OPRM1: variants seen among roughly 807,000 people sequenced by gnomAD.
The protein encoded by OPRM1 is opioid receptor mu 1.
OPRM1 carries 27 observed loss-of-function variants against 31.8 expected under a neutral mutation model. That is an observed-to-expected ratio of 0.85 (90% CI 0.63 to 1.17). OPRM1 has a LOEUF of 1.17. Ranked by LOEUF, OPRM1 falls within the 50% of genes most tolerant of loss-of-function variation. The pLI, the probability that OPRM1 is intolerant of heterozygous loss-of-function variation, is 0.00. For synonymous variants in OPRM1, 196 were observed against 189.9 expected (o/e 1.03, Z -0.26); for missense variants, 536 against 511.1 (o/e 1.05, Z -0.47).
intron 3 of OPRM1, among the ~76,000 whole-genome samples, chr6:154,167,760 G>A (rs1799552314): frequency 6.6e-6 from 1 of 152,188 alleles, no homozygotes; most frequent in Non-Finnish European, 1.5e-5. Flanking sequence ...AGTGCTTTAA[G>A]AACGTCAAGA....
chr6:154,093,466 G>A, intron 3 of OPRM1: 1 of 1,613,072 alleles, frequency 6.2e-7, no homozygotes, highest in South Asian at 1.1e-5. Flanking sequence ...TTCTTCAGTT[G>A]CCCGACACTG....
At position 154,091,433 on chromosome 6, in the gene OPRM1, C is replaced by A. The variant is rs1792173068; in HGVS notation, c.1125C>A (p.His375Gln). ...STRIRQNTRDHPSTANTVDRT... is the reference protein window; with the variant it reads ...STRIRQNTRDQPSTANTVDRT... ...GAATTCGTCAGAACACTAGAGACCA[C>A]CCCTCCACGGCCAATACAGTGGATA... Residue 375 changes from histidine (H) to glutamine (Q), a missense_variant, in exon 3 of 4, where the codon CAC becomes CAA. His to Gln is a conservative substitution (Grantham distance 24). Coordinates refer to ENST00000330432, the MANE Select transcript of OPRM1 (RefSeq NM_000914.5). 3.7e-6 allele frequency: 6 copies of A among 1,613,556 alleles called. No individual in the cohort carries two copies. The highest frequency in any genetic ancestry group is 1.1e-5 in the South Asian group (1 of 91,082).
At chr6:154,169,523 C>A (rs887858206) in intron 3 of OPRM1, among the ~76,000 whole-genome samples, 9 of 152,192 alleles carry the variant, frequency 5.9e-5, no homozygotes, top group Non-Finnish European at 8.8e-5. Flanking sequence ...GCAAATTATA[C>A]ACATGCTAAA....
chr6:154,114,466 G>A (rs1363758953), intron 3 of OPRM1, among the ~76,000 whole-genome samples: 1 of 152,082 alleles, frequency 6.6e-6, no homozygotes, highest in Admixed American at 6.6e-5. Flanking sequence ...AAGAGAGAGA[G>A]GCTTGTCCTG....
chr6:154,045,887 T>C (rs2128406549), intron 1 of OPRM1, among the ~76,000 whole-genome samples: 1 of 152,322 alleles, frequency 6.6e-6, no homozygotes, highest in East Asian at 1.9e-4. Flanking sequence ...TGTACAATTC[T>C]GAGGTGCCAA....
intron 3 of OPRM1, chr6:154,217,369 ATG>A (rs1255343777): frequency 1.3e-5 from 2 of 152,050 alleles, no homozygotes; most frequent in African/African-American, 4.8e-5. Context: ...CCTCTGCCAC[ATG>A]GAGATGATCC....
intron 1 of OPRM1, among the ~76,000 whole-genome samples, chr6:154,053,273 A>G (rs1165009466): frequency 6.6e-6 from 1 of 152,208 alleles, no homozygotes; most frequent in Non-Finnish European, 1.5e-5. Context: ...CTGCAAATTC[A>G]TATTAACTTC....
intron 1 of OPRM1, among the ~76,000 whole-genome samples, chr6:154,015,025 G>GTTT (rs1777926649): frequency 3.4e-5 from 5 of 146,206 alleles, no homozygotes; most frequent in African/African-American, 1.2e-4. Context: ...ACTCTTCAAA[G>GTTT]ACACAAAAGT....
Position 154,212,924 on chromosome 6 carries a change from G to T in OPRM1, c.1165-33769G>T, listed in dbSNP as rs747681429. The stretch of plus-strand genomic sequence containing the variant: ...GCTTATTCCATAATGCATGAGCAGA[G>T]GTTTATCTCCATCTGGCTATTGCAA... On this transcript the variant is annotated intron_variant, in intron 3 of 3. Coordinates refer to the OPRM1 transcript ENST00000337049. The T allele has an allele frequency of 6.6e-6, 7 of 1,058,556 alleles. No homozygotes were observed. The South Asian group carries it at 9.2e-5, about 14-fold the overall frequency. 65.6% of individuals were successfully genotyped at this position (1,058,556 alleles called of 1,614,324 possible).
chr6:154,214,924 C>T (rs767386006), intron 3 of OPRM1, among the ~76,000 whole-genome samples: 17 of 152,354 alleles, frequency 1.1e-4, no homozygotes, highest in Admixed American at 2.6e-4. Context: ...TGGCTTATCA[C>T]TGCAGACCAC....
chr6:154,112,851 A>G (rs645189), intron 3 of OPRM1, among the ~76,000 whole-genome samples: 135,167 of 152,246 alleles, frequency 0.89, 60,159 homozygotes, highest in East Asian at 0.98. Context: ...AGTCAATACT[A>G]GATTAGGGCT....
rs75631894 is a variant in OPRM1, at chr6:154,129,851, A to C, written c.*11130A>C. 1.0e-5 allele frequency among the ~76,000 whole-genome samples: 1 copy of C among 99,838 alleles called. No individual in the cohort carries two copies. Among genetic ancestry groups the C allele is most frequent in the Non-Finnish European group, 2.0e-5 (1 of 50,258 alleles). The allele number at this position is 99,838 out of a possible 152,430, so 65.5% of individuals were successfully genotyped here. A position where few individuals can be genotyped will look rare whatever the true frequency, so the allele number is the denominator to read the frequency against. ...TTTACCACCGACACCCTCCCCCCCC[A>C]GCACACACACACACACACACACACA... On this transcript the variant is annotated 3_prime_UTR_variant, in exon 4 of 4. Transcript: ENST00000330432.
Position 154,097,532 on chromosome 6 carries a change from A to G in OPRM1, c.1164+6060A>G, listed in dbSNP as rs189791986. Among the ~76,000 whole-genome samples, 5 of 152,250 alleles carry G rather than the reference A, an allele frequency of 3.3e-5. No individual in the cohort carries two copies. In the East Asian group the frequency reaches 9.6e-4, roughly 29 times the overall value. ...GACAACATTAATGCTTATTTTGTGA[A>G]TGAAATCAAAATGGCTATTCTTTCA... is the stretch of plus-strand genomic sequence containing the variant. On this transcript the variant is annotated intron_variant, in intron 3 of 3. Coordinates refer to ENST00000330432, the MANE Select transcript of OPRM1 (RefSeq NM_000914.5).
At chr6:154,234,848 A>G (rs1779989420) in intron 3 of OPRM1, among the ~76,000 whole-genome samples, 1 of 152,256 alleles carries the variant, frequency 6.6e-6, no homozygotes. Context: ...GTAATTTTAA[A>G]AAATGATTAA....
At chr6:154,231,318 A>G (rs572483814) in intron 3 of OPRM1, among the ~76,000 whole-genome samples, 2 of 152,390 alleles carry the variant, frequency 1.3e-5, no homozygotes, top group South Asian at 4.1e-4. Context: ...GGTAATGCAA[A>G]ATGGAACTCA....
chr6:154,226,044 C>G (rs1779222539), intron 3 of OPRM1, among the ~76,000 whole-genome samples: 1 of 152,164 alleles, frequency 6.6e-6, no homozygotes, highest in Admixed American at 6.5e-5. Context: ...CCCCTTTTTC[C>G]TCTAACTATG....
chr6:154,163,792 A>C (rs1799212729), intron 3 of OPRM1, among the ~76,000 whole-genome samples: 1 of 152,250 alleles, frequency 6.6e-6, no homozygotes, highest in African/African-American at 2.4e-5. Flanking sequence ...ATTAAACAAA[A>C]AAACTAGACA....
intron 1 of OPRM1, among the ~76,000 whole-genome samples, chr6:154,021,840 G>GTTTTTTTTTTTTTTTT (rs201448083): frequency 6.6e-6 from 1 of 151,566 alleles, no homozygotes; most frequent in Admixed American, 6.6e-5. Flanking sequence ...CTCCAGGAGG[G>GTTTTTTTTTTTTTTTT]TTTTCTCTTT....
intron 3 of OPRM1, among the ~76,000 whole-genome samples, chr6:154,189,446 G>A (rs9397179): frequency 0.055 from 8,376 of 152,056 alleles, 338 homozygotes; most frequent in South Asian, 0.19. Flanking sequence ...TTCATTAAGA[G>A]CATTTAAAGG....
Sources: allele counts gnomAD v4.1 joint callset (sites outside exome capture counted in the v4.1 genomes callset), GRCh38; gene constraint gnomAD v4.1.1; transcripts MANE v1.5; gene names NCBI Gene and HGNC (gene_info 2026-07-23, HGNC 2026-07-21).